Variants in SPINK9 observed in about 807,000 individuals in gnomAD.
SPINK9 encodes the protein serine protease inhibitor Kazal-type 9.
In SPINK9, 3 loss-of-function variants were observed where a neutral mutation model predicts 10.8. That is an observed-to-expected ratio of 0.28 (90% CI 0.13 to 0.72). The LOEUF is 0.72. Among genes scored for constraint, SPINK9 ranks in the 30% least tolerant of loss-of-function variants. The pLI is 0.74. For synonymous variants in SPINK9, 30 were observed against 31.2 expected, an observed-to-expected ratio of 0.96 and a Z score of 0.12; for missense variants, 101 against 103.2, an observed-to-expected ratio of 0.98 and a Z score of 0.09.
At chr5:148,337,856 T>A (rs1014716371) in intron 2 of SPINK9, among the ~76,000 whole-genome samples, 7 of 152,148 alleles carry the variant, frequency 4.6e-5, no homozygotes, top group African/African-American at 1.4e-4. Context: ...ATAGATTTTT[T>A]AAAAAATATG....
At chr5:148,339,633 G>C in intron 3 of SPINK9, 34 bp from the exon 4 acceptor site, 1 of 1,600,894 alleles carries the variant, frequency 6.2e-7, no homozygotes, top group Non-Finnish European at 8.6e-7. Context: ...TATGGGCTCA[G>C]CATTTCTCAT....
At chr5:148,332,045 C>A (rs998198996), upstream of SPINK9, among the ~76,000 whole-genome samples, 7 of 152,244 alleles carry the variant, frequency 4.6e-5, no homozygotes, top group African/African-American at 1.2e-4. Flanking sequence ...GCACAGATGG[C>A]AAAATTTGAA....
At chr5:148,326,012 T>C (rs1757054763) in intron 2 of SPINK9, among the ~76,000 whole-genome samples, 1 of 152,150 alleles carries the variant, frequency 6.6e-6, no homozygotes, top group Non-Finnish European at 1.5e-5. Context: ...CAAAAATCAA[T>C]TCGCCATATA....
At chr5:148,329,437 T>C (rs995167407) in intron 2 of SPINK9, among the ~76,000 whole-genome samples, 1 of 152,194 alleles carries the variant, frequency 6.6e-6, no homozygotes, top group East Asian at 1.9e-4. Context: ...TCAATTTTGT[T>C]GATCTTTTCA....
At chr5:148,329,483 G>C (rs974875006) in intron 2 of SPINK9, among the ~76,000 whole-genome samples, 6 of 152,096 alleles carry the variant, frequency 3.9e-5, no homozygotes, top group African/African-American at 1.2e-4. Flanking sequence ...TTTTTTGAAG[G>C]GGTTTTTGTG....
Position 148,336,427 on chromosome 5 carries a change from G to C in SPINK9, c.61G>C (p.Glu21Gln). ...TGTCTTTGTTTTTCTTCCAGGTATA[G>C]AATGTGCCAAACAGACGAAACAGAT... Reference protein sequence around the residue: ...ALTLATMFSIECAKQTKQMVD... With the variant: ...ALTLATMFSIQCAKQTKQMVD... The change falls in exon 2 of 4, where the codon GAA becomes CAA. Residue 21 changes from glutamate to glutamine, a missense_variant. Coordinates refer to ENST00000377906, the MANE Select transcript of SPINK9 (RefSeq NM_001040433.2). The C allele has an allele frequency of 6.2e-7, 1 of 1,613,488 alleles. No homozygotes were observed. Among genetic ancestry groups the C allele is most frequent in the South Asian group, 1.1e-5 (1 of 91,034 alleles).
chr5:148,327,421 G>C (rs1757079085), intron 2 of SPINK9, among the ~76,000 whole-genome samples: 1 of 152,074 alleles, frequency 6.6e-6, no homozygotes, highest in African/African-American at 2.4e-5. Context: ...TGTCAGATGA[G>C]TAGGTTGCAA....
upstream of SPINK9, among the ~76,000 whole-genome samples, chr5:148,333,913 G>A (rs1232183713): frequency 1.3e-5 from 2 of 152,044 alleles, no homozygotes; most frequent in Non-Finnish European, 2.9e-5. Flanking sequence ...ACTAGTACCC[G>A]AGGCATAGTA....
intron 2 of SPINK9, among the ~76,000 whole-genome samples, chr5:148,328,691 T>C (rs1019155500): frequency 6.6e-6 from 1 of 152,200 alleles, no homozygotes; most frequent in African/African-American, 2.4e-5. Context: ...ATACCTAATT[T>C]ATTGAGAGTT....
chr5:148,336,127 C>T (rs530875833), intron 1 of SPINK9, among the ~76,000 whole-genome samples: 2 of 152,302 alleles, frequency 1.3e-5, no homozygotes, highest in African/African-American at 2.4e-5. Flanking sequence ...CTTATTTCTT[C>T]TGTCTCTACT....
At chr5:148,339,534 A>T in intron 3 of SPINK9, 133 bp from the exon 4 acceptor site, 1 of 679,732 alleles carries the variant, frequency 1.5e-6, no homozygotes. Flanking sequence ...TCTAAATTGC[A>T]GTCACTCCTT....
chr5:148,327,281 G>C (rs924244272), intron 2 of SPINK9, among the ~76,000 whole-genome samples: 10 of 152,158 alleles, frequency 6.6e-5, no homozygotes, highest in Admixed American at 6.5e-4. Flanking sequence ...ATTTTTTCAT[G>C]TGTTTTTTGG....
chr5:148,327,964 G>T (rs1295742131), intron 2 of SPINK9, among the ~76,000 whole-genome samples: 2 of 150,734 alleles, frequency 1.3e-5, no homozygotes, highest in Admixed American at 6.6e-5. Flanking sequence ...TGTTCTTTTG[G>T]CTTAGGATTG....
At chr5:148,338,696 G>T in intron 3 of SPINK9, 91 bp downstream of exon 3, 1 of 989,204 alleles carries the variant, frequency 1.0e-6, no homozygotes, top group Non-Finnish European at 1.5e-6. Context: ...TAAGGAATAT[G>T]TGAATCATAT....
intron 2 of SPINK9, among the ~76,000 whole-genome samples, chr5:148,329,799 A>G (rs1226015057): frequency 6.6e-6 from 1 of 152,116 alleles, no homozygotes; most frequent in Non-Finnish European, 1.5e-5. Flanking sequence ...TTCAGTTTCC[A>G]TGTAGTTGTG....
chr5:148,323,955 A>G (rs780665193), intron 2 of SPINK9: 62 of 597,450 alleles, frequency 1.0e-4, no homozygotes, highest in Non-Finnish European at 1.6e-4. Flanking sequence ...ACCCCTAATT[A>G]GACATGTATA....
intron 1 of SPINK9, 44 bp from the exon 2 acceptor site, chr5:148,336,376 GGT>G: frequency 6.3e-7 from 1 of 1,595,908 alleles, no homozygotes; most frequent in Non-Finnish European, 8.6e-7. Flanking sequence ...AGTAAGATTA[GGT>G]TCTTCCAGAG....
chr5:148,321,383 G>A (rs540182481), exon 1 of SPINK9: 34 of 152,198 alleles, frequency 2.2e-4, no homozygotes, highest in African/African-American at 6.7e-4. Flanking sequence ...GAGCCGATGC[G>A]ATCAACTGGA....
At chr5:148,336,534 T>C in intron 2 of SPINK9, 81 bp downstream of exon 2, 1 of 1,378,310 alleles carries the variant, frequency 7.3e-7, no homozygotes, top group South Asian at 1.2e-5. Flanking sequence ...AGTAATTAAA[T>C]TTCTATATGT....
Sources: allele counts gnomAD v4.1 joint callset (sites outside exome capture counted in the v4.1 genomes callset), GRCh38; gene constraint gnomAD v4.1.1; transcripts MANE v1.5; gene names NCBI Gene and HGNC (gene_info 2026-07-23, HGNC 2026-07-21).